Variants in IL22RA2 observed in about 807,000 individuals in gnomAD.
The protein encoded by IL22RA2 is interleukin-22 receptor subunit alpha-2.
A neutral mutation model predicts 30.7 loss-of-function variants in IL22RA2; 39 were observed. The ratio of observed to expected loss-of-function variants is 1.27; its 90% CI spans 0.98 to 1.66. IL22RA2 has a LOEUF of 1.66. IL22RA2 is among the 40% of genes most tolerant of loss of function. The probability of loss-of-function intolerance (pLI) is 0.00; values close to 1 mark genes in which losing one functional copy is unlikely to be tolerated. For synonymous variants in IL22RA2, 103 were observed against 105.0 expected, an observed-to-expected ratio of 0.98 and a Z score of 0.11; for missense variants, 315 against 312.7, an observed-to-expected ratio of 1.01 and a Z score of -0.05.
At chr6:137,146,172 C>T (rs1778173996) in intron 6 of IL22RA2, among the ~76,000 whole-genome samples, 1 of 152,120 alleles carries the variant, frequency 6.6e-6, no homozygotes, top group Non-Finnish European at 1.5e-5. Flanking sequence ...GCTGGGATTG[C>T]AGACGCATAC....
At chr6:137,166,382 T>G (rs957516080) in intron 1 of IL22RA2, among the ~76,000 whole-genome samples, 3 of 152,112 alleles carry the variant, frequency 2.0e-5, no homozygotes, top group Non-Finnish European at 4.4e-5. Flanking sequence ...TGTTAACTAC[T>G]GAAGGAAAGG....
At chr6:137,161,632 C>A in intron 2 of IL22RA2, 57 bp downstream of exon 2, 2 of 1,438,424 alleles carry the variant, frequency 1.4e-6, no homozygotes, top group Non-Finnish European at 2.0e-6. Flanking sequence ...CCAACAGATC[C>A]TTGATTGGAC....
intron 2 of IL22RA2, among the ~76,000 whole-genome samples, chr6:137,159,413 C>T (rs575404826): frequency 2.8e-4 from 42 of 152,096 alleles, no homozygotes; most frequent in African/African-American, 5.8e-4. Flanking sequence ...CTCTGCCTCC[C>T]GGATTCAAGC....
At chr6:137,162,618 C>T (rs1778544538) in intron 1 of IL22RA2, among the ~76,000 whole-genome samples, 1 of 152,108 alleles carries the variant, frequency 6.6e-6, no homozygotes, top group Admixed American at 6.5e-5. Flanking sequence ...TTATATCATT[C>T]TTCTTACCAT....
At position 137,149,181 on chromosome 6, in the gene IL22RA2, A is replaced by G. The variant is rs566567920; in HGVS notation, c.473-1290T>C. Reference sequence around the variant, plus strand: ...GTCCCTCAATATCTGGTCTTACTCAAAACTGCCTCTCACTCACTACTCTCT... The same window carrying G: ...GTCCCTCAATATCTGGTCTTACTCAGAACTGCCTCTCACTCACTACTCTCT... On this transcript the variant is annotated intron_variant, in intron 5 of 6. Coordinates refer to ENST00000296980, the MANE Select transcript of IL22RA2 (RefSeq NM_052962.3). 2.0e-3 allele frequency among the ~76,000 whole-genome samples: 301 copies of G among 152,216 alleles called. 1 individual carries two copies. The highest frequency in any genetic ancestry group is 7.0e-3 in the African/African-American group (291 of 41,524).
chr6:137,163,291 G>A (rs1412235595), intron 1 of IL22RA2, among the ~76,000 whole-genome samples: 3 of 152,208 alleles, frequency 2.0e-5, no homozygotes, highest in Non-Finnish European at 2.9e-5. Context: ...CTGGACATAT[G>A]TGCTACTGAT....
At chr6:137,149,113 T>A (rs1430427567) in intron 5 of IL22RA2, among the ~76,000 whole-genome samples, 1 of 152,122 alleles carries the variant, frequency 6.6e-6, no homozygotes, top group Non-Finnish European at 1.5e-5. Flanking sequence ...TCCTTCTCAG[T>A]CTCCTTTTAA....
intron 5 of IL22RA2, among the ~76,000 whole-genome samples, chr6:137,150,775 A>G (rs187114085): frequency 3.5e-4 from 54 of 152,260 alleles, no homozygotes; most frequent in Admixed American, 1.3e-3. Flanking sequence ...TTCCTCTACT[A>G]GAGAATTGCT....
intron 5 of IL22RA2, among the ~76,000 whole-genome samples, chr6:137,151,158 A>C (rs1778282231): frequency 6.6e-6 from 1 of 152,236 alleles, no homozygotes; most frequent in South Asian, 2.1e-4. Flanking sequence ...CACCCTTCCC[A>C]ATTTCAAAGC....
At chr6:137,166,056 C>G (rs1051852472) in intron 1 of IL22RA2, among the ~76,000 whole-genome samples, 4 of 152,144 alleles carry the variant, frequency 2.6e-5, no homozygotes, top group Non-Finnish European at 5.9e-5. Context: ...TGTGTGGAAA[C>G]TGTGGATGAA....
At chr6:137,156,336 A>T (rs1465305592) in intron 4 of IL22RA2, among the ~76,000 whole-genome samples, 1 of 152,256 alleles carries the variant, frequency 6.6e-6, no homozygotes, top group African/African-American at 2.4e-5. Flanking sequence ...CTTTCTAGAC[A>T]CATAATAAGG....
At chr6:137,162,533 A>C (rs1778542505) in intron 1 of IL22RA2, among the ~76,000 whole-genome samples, 1 of 152,176 alleles carries the variant, frequency 6.6e-6, no homozygotes, top group Non-Finnish European at 1.5e-5. Context: ...ACTCCTTTTG[A>C]GCTACATTAG....
intron 1 of IL22RA2, among the ~76,000 whole-genome samples, chr6:137,169,023 A>G (rs940210598): frequency 2.0e-5 from 3 of 152,240 alleles, no homozygotes; most frequent in African/African-American, 7.2e-5. Flanking sequence ...AGGTGCTAAT[A>G]TGAGAGATCA....
At position 137,145,360 on chromosome 6, in the gene IL22RA2, A is replaced by C. The variant is rs963846285; in HGVS notation, c.*264T>G. The C allele has an allele frequency of 9.8e-5, 29 of 294,466 alleles. No homozygotes were observed. Among genetic ancestry groups the C allele is most frequent in the Non-Finnish European group, 1.4e-4 (22 of 161,360 alleles). 18.2% of individuals were successfully genotyped at this position (294,466 alleles called of 1,614,324 possible). A position where few individuals can be genotyped will look rare whatever the true frequency, so the allele number is the denominator to read the frequency against. ...TATTAGGGATGTTACATTCAGAAAT[A>C]AAGTTCTGAATTTCATAGAACACTT... On this transcript the variant is annotated 3_prime_UTR_variant, in exon 7 of 7. Coordinates refer to ENST00000296980, the MANE Select transcript of IL22RA2 (RefSeq NM_052962.3).
intron 6 of IL22RA2, among the ~76,000 whole-genome samples, chr6:137,147,392 TAAA>T (rs1778202317): frequency 6.7e-6 from 1 of 149,398 alleles, no homozygotes; most frequent in African/African-American, 2.5e-5. Flanking sequence ...AATAAATAAA[TAAA>T]TAAATAAATA....
At chr6:137,146,219 A>T (rs1263885464) in intron 6 of IL22RA2, among the ~76,000 whole-genome samples, 2 of 152,030 alleles carry the variant, frequency 1.3e-5, no homozygotes, top group Non-Finnish European at 2.9e-5. Flanking sequence ...TTCAGTAGAG[A>T]TGGAGTTTCA....
chr6:137,149,251 T>G (rs535369858), intron 5 of IL22RA2, among the ~76,000 whole-genome samples: 127 of 152,320 alleles, frequency 8.3e-4, no homozygotes, highest in Non-Finnish European at 1.4e-3. Context: ...ATGCATGAAA[T>G]GACTCACAAA....
In IL22RA2 at chr6:137,143,951, A is replaced by C. The variant is rs1010145483; in HGVS notation, c.*1673T>G. 5 of 152,226 alleles carry C rather than the reference A, an allele frequency of 3.3e-5. No individual in the cohort carries two copies. The highest frequency in any genetic ancestry group is 3.3e-4 in the Admixed American group (5 of 15,284). 9.4% of individuals were successfully genotyped at this position (152,226 alleles called of 1,614,324 possible). ...CAAAAGCAAAAACAGAGCAAGGCAA[A>C]CAATATACAAACAAAACTTGATCCT... is the stretch of plus-strand genomic sequence containing the variant. On this transcript the variant is annotated 3_prime_UTR_variant, in exon 7 of 7. Coordinates refer to ENST00000296980, the MANE Select transcript of IL22RA2 (RefSeq NM_052962.3).
chr6:137,149,343 C>T, intron 5 of IL22RA2, among the ~76,000 whole-genome samples: 1 of 152,144 alleles, frequency 6.6e-6, no homozygotes, highest in Non-Finnish European at 1.5e-5. Flanking sequence ...GCATATTAAG[C>T]TTAACATATT....
Sources: allele counts gnomAD v4.1 joint callset (sites outside exome capture counted in the v4.1 genomes callset), GRCh38; gene constraint gnomAD v4.1.1; transcripts MANE v1.5; gene names NCBI Gene and HGNC (gene_info 2026-07-23, HGNC 2026-07-21).